Variants in CHIT1 observed in about 807,000 individuals in gnomAD.
The protein encoded by CHIT1 is chitotriosidase-1.
A neutral mutation model predicts 52.0 loss-of-function variants in CHIT1; 47 were observed. The ratio of observed to expected loss-of-function variants is 0.90; its 90% CI spans 0.71 to 1.15. The LOEUF (loss-of-function observed/expected upper bound fraction) is 1.15, where lower values mean the gene tolerates loss of function less well. CHIT1 is among the 50% of genes most tolerant of loss of function. The pLI is 0.00. For synonymous variants in CHIT1, 242 were observed against 228.2 expected, an observed-to-expected ratio of 1.06 and a Z score of -0.54; for missense variants, 569 against 583.0, an observed-to-expected ratio of 0.98 and a Z score of 0.25.
At chr1:203,226,828 C>A (rs762942225) in intron 2 of CHIT1, among the ~76,000 whole-genome samples, 3 of 152,132 alleles carry the variant, frequency 2.0e-5, no homozygotes, top group Non-Finnish European at 2.9e-5. Context: ...AGTCTTCATT[C>A]CAGCATCTGC....
intron 2 of CHIT1, 131 bp from the exon 3 acceptor site, chr1:203,226,001 C>T (rs1247920268): frequency 1.0e-6 from 1 of 984,128 alleles, no homozygotes; most frequent in Non-Finnish European, 1.6e-6. Context: ...AGGGACCCGA[C>T]AGGCAGAAAT....
chr1:203,223,711 C>T (rs1291988438), intron 4 of CHIT1, 51 bp from the exon 5 acceptor site: 2 of 1,583,818 alleles, frequency 1.3e-6, no homozygotes, highest in Non-Finnish European at 1.7e-6. Context: ...AGACAGGAGG[C>T]CACTCTTACT....
At chr1:203,222,462 G>A (rs1288124658) in intron 6 of CHIT1, 137 bp from the exon 7 acceptor site, 1 of 1,315,262 alleles carries the variant, frequency 7.6e-7, no homozygotes, top group African/African-American at 1.5e-5. Context: ...AGGCTCACCT[G>A]GCTCTGCAGA....
At chr1:203,229,757 G>C (rs745681596), upstream of CHIT1, 3 of 1,194,182 alleles carry the variant, frequency 2.5e-6, no homozygotes, top group South Asian at 1.3e-5. Flanking sequence ...CACTGGGTGG[G>C]GGGGATGGGA....
intron 7 of CHIT1, among the ~76,000 whole-genome samples, chr1:203,220,872 G>C (rs1386595641): frequency 1.3e-5 from 2 of 152,230 alleles, no homozygotes; most frequent in Non-Finnish European, 2.9e-5. Flanking sequence ...ACTGTGTGGT[G>C]AGTAGAAGGC....
rs1208247027 is a variant in CHIT1, at chr1:203,216,391, G to A, written c.*498C>T. ...AGTTCTTCTCTGCTGCCATCTAGTG[G>A]CATTTTGGGAATAACACGTGCGTGA... On this transcript the variant is annotated 3_prime_UTR_variant, in exon 11 of 11. Transcript: ENST00000367229. The A allele has an allele frequency of 1.3e-5, 6 of 454,080 alleles. No homozygotes were observed. The Admixed American group carries it at 1.4e-4, about 11-fold the overall frequency. The allele number at this position is 454,080 out of a possible 1,614,324, so 28.1% of individuals were successfully genotyped here.
rs141769653 is a variant in CHIT1 at position 203,219,249 on chromosome 1, C to G, written c.996G>C (p.Val332=). The stretch of plus-strand genomic sequence containing the variant: ...TGAAGCTCTCCACATCATCAAAGCC[C>G]ACCCACTGGTTGTCCCGGAAGATGT... The part of the protein sequence containing the change: ...VPYIFRDNQW[V]GFDDVESFKT... Residue 332 remains valine (V), a synonymous_variant, in exon 9 of 11, where the codon GTG becomes GTC. Transcript: ENST00000367229. 3 of 1,611,424 alleles carry G rather than the reference C, an allele frequency of 1.9e-6. No individual in the cohort carries two copies. The African/African-American group carries it at 4.0e-5, about 22-fold the overall frequency.
chr1:203,226,471 G>A (rs562710039), intron 2 of CHIT1, among the ~76,000 whole-genome samples: 18 of 152,350 alleles, frequency 1.2e-4, no homozygotes, highest in African/African-American at 4.3e-4. Flanking sequence ...TCGTTAAAAT[G>A]CAAACAGATA....
In CHIT1 at chr1:203,225,069, C is replaced by T. The variant is rs1656874474; in HGVS notation, c.293G>A (p.Gly98Asp). The T allele has an allele frequency of 1.2e-6, 2 of 1,613,882 alleles. No homozygotes were observed. The highest frequency in any genetic ancestry group is 1.7e-6 in the Non-Finnish European group (2 of 1,179,952). ...PKLKTLLAIG[G>D]WNFGTQKFTD... ...TAACTTCTGAGTGCCGAAATTCCAG[C>T]CTCCGATGGCTAACAGGGTCTTCAG... is the stretch of plus-strand genomic sequence containing the variant. Residue 98 changes from glycine to aspartate, a missense_variant, in exon 4 of 11, where the codon GGC becomes GAC. Transcript: ENST00000367229.
chr1:203,217,886 G>T (rs1288568591), intron 9 of CHIT1, 21 bp from the exon 10 acceptor site: 2 of 1,513,174 alleles, frequency 1.3e-6, no homozygotes, highest in Non-Finnish European at 1.8e-6. Context: ...AGGGGATGCA[G>T]TGGAGGAGCC....
chr1:203,218,671 C>G (rs1235942915), intron 9 of CHIT1, among the ~76,000 whole-genome samples: 1 of 152,128 alleles, frequency 6.6e-6, no homozygotes, highest in African/African-American at 2.4e-5. Flanking sequence ...ATCTCCCCAG[C>G]CAGGATCGTG....
Position 203,229,644 on chromosome 1 carries a change from C to T in CHIT1, c.-8G>A, listed in dbSNP as rs764342096. On this transcript the variant is annotated 5_prime_UTR_variant, in exon 1 of 11. Transcript: ENST00000367229. The stretch of plus-strand genomic sequence containing the variant: ...GGCCACAGACCGCACCATGATGCAG[C>T]TCAGCGGCAGGCTGCAGCCCATACA... The T allele has an allele frequency of 2.5e-6, 4 of 1,614,100 alleles. No individual in the cohort carries two copies. The South Asian group carries it at 4.4e-5, about 18-fold the overall frequency.
Position 203,216,358 on chromosome 1 carries a change from C to T in CHIT1, c.*531G>A, listed in dbSNP as rs749211669. 3 of 454,118 alleles carry T rather than the reference C, an allele frequency of 6.6e-6. No individual in the cohort carries two copies. Among genetic ancestry groups the T allele is most frequent in the South Asian group, 4.7e-5 (3 of 64,482 alleles). The allele number at this position is 454,118 out of a possible 1,614,324, so 28.1% of individuals were successfully genotyped here. On this transcript the variant is annotated 3_prime_UTR_variant, in exon 11 of 11. Coordinates refer to ENST00000367229, the MANE Select transcript of CHIT1 (RefSeq NM_003465.3). ...GTGGCTGCTCGCAGAGCGCTTAAAT[C>T]AGGGAAAAGTTCTTCTCTGCTGCCA...
chr1:203,217,715 A>C (rs756629559), intron 10 of CHIT1, 24 bp downstream of exon 10: 20 of 1,613,358 alleles, frequency 1.2e-5, no homozygotes, highest in Non-Finnish European at 1.5e-5. Context: ...AAATTCCACC[A>C]CTGGCCCTGG....
Position 203,217,085 on chromosome 1 carries a change from G to A in CHIT1, c.1205C>T (p.Pro402Leu), listed in dbSNP as rs1292363848. The stretch of plus-strand genomic sequence containing the variant: ...ATGCTCAGGTTCAGAGGGCTGACCT[G>A]GTTTTGGAACTTCAAGCTCTGGGGT... ...SGTPELEVPK[P>L]GQPSEPEHGP... Residue 402 changes from proline to leucine, a missense_variant, in exon 11 of 11, where the codon CCA (proline) becomes CTA (leucine). Coordinates refer to ENST00000367229, the MANE Select transcript of CHIT1 (RefSeq NM_003465.3). 1 of 1,612,388 alleles carries A rather than the reference G, an allele frequency of 6.2e-7. No homozygotes were observed. Among genetic ancestry groups the A allele is most frequent in the Non-Finnish European group, 8.5e-7 (1 of 1,180,038 alleles).
rs1241758099 is a variant in CHIT1, at chr1:203,216,218, T to A, written c.*671A>T. On this transcript the variant is annotated 3_prime_UTR_variant, in exon 11 of 11. Coordinates refer to ENST00000367229, the MANE Select transcript of CHIT1 (RefSeq NM_003465.3). ...ATAAAGTGAGAATAATCATTGTTCC[T>A]TCTTCATCTGGTGAACGGGGGCAGT... 2.2e-6 allele frequency: 1 copy of A among 454,020 alleles called. No individual in the cohort carries two copies. The allele number at this position is 454,020 out of a possible 1,614,324, so 28.1% of individuals were successfully genotyped here. A position where few individuals can be genotyped will look rare whatever the true frequency, so the allele number is the denominator to read the frequency against.
At chr1:203,218,885 G>C (rs1178890352) in intron 9 of CHIT1, among the ~76,000 whole-genome samples, 1 of 152,174 alleles carries the variant, frequency 6.6e-6, no homozygotes, top group Non-Finnish European at 1.5e-5. Context: ...CTGTAATTTG[G>C]ACATGCACCA....
At chr1:203,224,216 A>G (rs1006794480) in intron 4 of CHIT1, among the ~76,000 whole-genome samples, 4 of 152,166 alleles carry the variant, frequency 2.6e-5, no homozygotes, top group African/African-American at 9.7e-5. Context: ...TGCTGTTACT[A>G]GTCCAGAGTT....
At chr1:203,218,395 T>A (rs567177575) in intron 9 of CHIT1, among the ~76,000 whole-genome samples, 4 of 152,260 alleles carry the variant, frequency 2.6e-5, no homozygotes, top group Admixed American at 2.6e-4. Context: ...AGAGTGGGAT[T>A]CTCTGTCCTC....
Sources: gnomAD v4.1 joint callset for allele counts (sites outside exome capture counted in the v4.1 genomes callset) on GRCh38, gnomAD v4.1.1 for gene constraint, MANE v1.5 for transcripts, NCBI Gene and HGNC (gene_info 2026-07-23, HGNC 2026-07-21) for gene names.